Variants in TPGS2 observed in about 807,000 individuals in gnomAD.
The protein encoded by TPGS2 is polyglutamylase subunit 2.
Under a neutral mutation model 31.1 loss-of-function variants are expected in TPGS2, and 26 were observed. The ratio of observed to expected loss-of-function variants is 0.84; its 90% CI spans 0.61 to 1.16. TPGS2 has a LOEUF of 1.16. Ranked by LOEUF, TPGS2 falls within the 50% of genes most tolerant of loss-of-function variation. TPGS2 has a pLI of 0.00. For missense variants in TPGS2, 351 were observed against 363.8 expected, an observed-to-expected ratio of 0.96 and a Z score of 0.29; for synonymous variants, 130 against 136.6, an observed-to-expected ratio of 0.95 and a Z score of 0.34.
chr18:36,802,197 TC>T (rs1333741254), intron 4 of TPGS2, among the ~76,000 whole-genome samples: 1 of 152,256 alleles, frequency 6.6e-6, no homozygotes, highest in African/African-American at 2.4e-5. Flanking sequence ...TGTTACTCCA[TC>T]TTGGATGAAA....
chr18:36,814,779 G>T (rs2045581682), intron 2 of TPGS2, among the ~76,000 whole-genome samples: 1 of 152,166 alleles, frequency 6.6e-6, no homozygotes, highest in Non-Finnish European at 1.5e-5. Context: ...GGAATAAAGT[G>T]ATTTCTGAGG....
intron 6 of TPGS2, chr18:36,798,029 G>A: frequency 2.5e-6 from 1 of 396,350 alleles, no homozygotes. Context: ...GTGCATGCAT[G>A]CTTTATGTGC....
downstream of TPGS2, among the ~76,000 whole-genome samples, chr18:36,781,184 G>A (rs1376646130): frequency 1.3e-5 from 2 of 152,148 alleles, no homozygotes; most frequent in African/African-American, 4.8e-5. Context: ...CAATACTGAG[G>A]GGTCTGAGAC....
At position 36,813,167 on chromosome 18, in the gene TPGS2, T is replaced by C. The variant is rs111612206; in HGVS notation, c.166-5233A>G. ...AAGCCAAACATATTCCTAATTTAAA[T>C]AGAGATAAATGTTTAATAGGTAAGT... On this transcript the variant is annotated intron_variant, in intron 2 of 6. Transcript: ENST00000334295. Among the ~76,000 whole-genome samples, 711 of 152,226 alleles carry C rather than the reference T, an allele frequency of 4.7e-3. 7 individuals carry two copies. Among genetic ancestry groups the C allele is most frequent in the African/African-American group, 0.016 (673 of 41,532 alleles).
intron 6 of TPGS2, chr18:36,786,625 G>C (rs982198686): frequency 2.6e-6 from 1 of 391,554 alleles, no homozygotes; most frequent in African/African-American, 2.1e-5. Context: ...AAGTTGTTCC[G>C]TCAGTCTTAT....
At chr18:36,782,622 AGAT>A (rs2044043856), downstream of TPGS2, among the ~76,000 whole-genome samples, 1 of 152,100 alleles carries the variant, frequency 6.6e-6, no homozygotes, top group South Asian at 2.1e-4. Flanking sequence ...TAGAGACTGA[AGAT>A]GATGTTTTTG....
In TPGS2 at chr18:36,805,463, A is replaced by C; in HGVS notation, c.293T>G (p.Ile98Ser). 1 of 1,614,088 alleles carries C rather than the reference A, an allele frequency of 6.2e-7. No homozygotes were observed. The highest frequency in any genetic ancestry group is 8.5e-7 in the Non-Finnish European group (1 of 1,179,958). Residue 98 changes from isoleucine (I) to serine (S), a missense_variant, in exon 4 of 7, where the codon ATC becomes AGC. Physicochemically the swap from Ile to Ser is moderately radical, Grantham distance 142. Transcript: ENST00000334295. ...IPLGSMAINS[I>S]SKLTQLTQSS... is the part of the protein sequence containing the mutation. ...CTGGGTGAGCTGAGTCAGTTTTGAG[A>C]TGCTGTTAATTGCCATGCTTCCCAG...
chr18:36,798,035 T>C (rs2044618281), intron 6 of TPGS2: 2 of 444,470 alleles, frequency 4.5e-6, no homozygotes, highest in Non-Finnish European at 3.1e-6. Context: ...GCATGCTTTA[T>C]GTGCAATGAG....
At chr18:36,792,797 T>A (rs1410603175), downstream of TPGS2, among the ~76,000 whole-genome samples, 1 of 152,254 alleles carries the variant, frequency 6.6e-6, no homozygotes, top group Non-Finnish European at 1.5e-5. Flanking sequence ...ATCTTTGGCT[T>A]GCTTACTTCC....
rs376856196 is a variant in TPGS2, at chr18:36,807,895, A to G, written c.205T>C (p.Tyr69His). ...ATGTGGAAGCCATTGGTCATCAGGT[A>G]AAAGTTCTTCACATCTTCAGGCATC... ...CVMPEDVKNF[Y>H]LMTNGFHMTW... Residue 69 changes from tyrosine (Y) to histidine (H), a missense_variant, in exon 3 of 7, where the codon TAC becomes CAC. Physicochemically the swap from Tyr to His is moderately conservative, Grantham distance 83. Coordinates refer to ENST00000334295, the MANE Select transcript of TPGS2 (RefSeq NM_015476.4). 15 of 1,614,058 alleles carry G rather than the reference A, an allele frequency of 9.3e-6. No homozygotes were observed. The highest frequency in any genetic ancestry group is 6.7e-5 in the Admixed American group (4 of 60,002).
intron 1 of TPGS2, among the ~76,000 whole-genome samples, chr18:36,824,947 C>A (rs566260537): frequency 2.0e-5 from 3 of 152,142 alleles, no homozygotes; most frequent in Non-Finnish European, 2.9e-5. Flanking sequence ...AAAAAAGGAA[C>A]CTAAGGCCTG....
chr18:36,797,872 C>A, intron 6 of TPGS2: 1 of 153,948 alleles, frequency 6.5e-6, no homozygotes, highest in Non-Finnish European at 1.4e-5. Context: ...CAATGGAATA[C>A]TCTGTAGCCA....
intron 2 of TPGS2, 50 bp downstream of exon 2, chr18:36,818,844 T>C (rs1367454194): frequency 1.3e-6 from 2 of 1,536,374 alleles, no homozygotes; most frequent in Non-Finnish European, 1.8e-6. Flanking sequence ...CAGGGACATT[T>C]ACACTGACCT....
At position 36,795,626 on chromosome 18, in the gene TPGS2, T is replaced by C; in HGVS notation, c.*1179A>G. On this transcript the variant is annotated 3_prime_UTR_variant, in exon 7 of 7. Coordinates refer to ENST00000334295, the MANE Select transcript of TPGS2 (RefSeq NM_015476.4). ...CCTTCTCTGTAAAAATTTCATTAAA[T>C]GTAGTAGGTATGTCAGATTTATCTT... is the stretch of plus-strand genomic sequence containing the variant. 1.0e-6 allele frequency: 1 copy of C among 985,458 alleles called. No individual in the cohort carries two copies. The highest frequency in any genetic ancestry group is 1.2e-6 in the Non-Finnish European group (1 of 829,938). The allele number at this position is 985,458 out of a possible 1,614,324, so 61.0% of individuals were successfully genotyped here.
Position 36,796,205 on chromosome 18 carries a change from A to ACAT in TPGS2, c.*597_*599dup. On this transcript the variant is annotated 3_prime_UTR_variant, in exon 7 of 7. Transcript: ENST00000334295. ...GAACATTATGACCCATCCAATGAAGACATCAACATTAACAACAAAAATTAA... is the reference window on the plus strand; with the variant it reads ...GAACATTATGACCCATCCAATGAAGACATCATCAACATTAACAACAAAAATTAA... 1 of 985,426 alleles carries ACAT rather than the reference A, an allele frequency of 1.0e-6. No individual in the cohort carries two copies. Among genetic ancestry groups the ACAT allele is most frequent in the Non-Finnish European group, 1.2e-6 (1 of 829,930 alleles). 61.0% of individuals were successfully genotyped at this position (985,426 alleles called of 1,614,324 possible).
Position 36,795,156 on chromosome 18 carries a change from TTTCTCATGAA to T in TPGS2, c.*1639_*1648del. On this transcript the variant is annotated 3_prime_UTR_variant, in exon 7 of 7. Coordinates refer to ENST00000334295, the MANE Select transcript of TPGS2 (RefSeq NM_015476.4). ...TAGGTGGAGGAGATATCGAAGGCGC[TTTCTCATGAA>T]TATCTATCACTATTGTCAACAATCA... The T allele has an allele frequency of 5.1e-6, 5 of 985,432 alleles. No homozygotes were observed. The South Asian group carries it at 2.3e-4, about 46-fold the overall frequency. 61.0% of individuals were successfully genotyped at this position (985,432 alleles called of 1,614,324 possible). A position where few individuals can be genotyped will look rare whatever the true frequency, so the allele number is the denominator to read the frequency against.
chr18:36,826,404 C>CTGTGTG (rs34742069), intron 1 of TPGS2, among the ~76,000 whole-genome samples: 3,304 of 146,400 alleles, frequency 0.023, 63 homozygotes, highest in African/African-American at 0.044. Context: ...GGTGTATAGG[C>CTGTGTG]TGTGTGTGTG....
chr18:36,808,778 A>G (rs1203428830), intron 2 of TPGS2, among the ~76,000 whole-genome samples: 1 of 149,372 alleles, frequency 6.7e-6, no homozygotes, highest in Non-Finnish European at 1.5e-5. Flanking sequence ...CCGTTGCTGG[A>G]GAGAACAAAG....
At position 36,805,596 on chromosome 18, in the gene TPGS2, A is replaced by G. The variant is rs373965497; in HGVS notation, c.254-94T>C. On this transcript the variant is annotated intron_variant, in intron 3 of 6. Coordinates refer to ENST00000334295, the MANE Select transcript of TPGS2 (RefSeq NM_015476.4). ...CTGCTTGAATAACCTAAGCCCAGGTATTGTTTCGCCCCATGGCTGACGAAT... is the reference window on the plus strand; with the variant it reads ...CTGCTTGAATAACCTAAGCCCAGGTGTTGTTTCGCCCCATGGCTGACGAAT... 1,200 of 1,547,098 alleles carry G rather than the reference A, an allele frequency of 7.8e-4. 15 individuals carry two copies. In the South Asian group the frequency reaches 0.014, roughly 18 times the overall value.
Sources: allele counts gnomAD v4.1 joint callset (sites outside exome capture counted in the v4.1 genomes callset), GRCh38; gene constraint gnomAD v4.1.1; transcripts MANE v1.5; gene names NCBI Gene and HGNC (gene_info 2026-07-23, HGNC 2026-07-21).